PLSCR4: variants seen among roughly 807,000 people sequenced by gnomAD.
The protein encoded by PLSCR4 is phospholipid scramblase 4.
In PLSCR4, 25 loss-of-function variants were observed where a neutral mutation model predicts 36.3. The ratio of observed to expected loss-of-function variants is 0.69; its 90% CI spans 0.50 to 0.96. The LOEUF (loss-of-function observed/expected upper bound fraction) is 0.96. PLSCR4 is among the 40% of genes least tolerant of loss of function. The pLI is 0.00. For synonymous variants in PLSCR4, 122 were observed against 132.9 expected (o/e 0.92, Z 0.56); for missense variants, 408 against 414.7 (o/e 0.98, Z 0.14).
At chr3:146,194,479 T>C in intron 8 of PLSCR4, 24 bp from the exon 9 acceptor site, 1 of 1,422,392 alleles carries the variant, frequency 7.0e-7, no homozygotes, top group Non-Finnish European at 9.9e-7. Flanking sequence ...AAGAATTATA[T>C]GTAGATATAT....
chr3:146,248,314 C>T (rs1447338091), intron 1 of PLSCR4, among the ~76,000 whole-genome samples: 2 of 152,188 alleles, frequency 1.3e-5, no homozygotes, highest in South Asian at 2.1e-4. Flanking sequence ...GTATAAATTA[C>T]TATCACTATC....
chr3:146,230,961 T>C (rs2035686288), intron 1 of PLSCR4, among the ~76,000 whole-genome samples: 1 of 148,786 alleles, frequency 6.7e-6, no homozygotes, highest in Non-Finnish European at 1.5e-5. Flanking sequence ...AATGACTTCA[T>C]CACATATGTA....
At chr3:146,230,302 A>G (rs1322500926) in intron 1 of PLSCR4, among the ~76,000 whole-genome samples, 1 of 152,236 alleles carries the variant, frequency 6.6e-6, no homozygotes. Context: ...ATCAAGAAAT[A>G]AAAGTATAAA....
At chr3:146,242,811 C>T (rs981122619) in intron 1 of PLSCR4, among the ~76,000 whole-genome samples, 2 of 152,138 alleles carry the variant, frequency 1.3e-5, no homozygotes, top group African/African-American at 4.8e-5. Context: ...TATGTCTTTA[C>T]AGTTGTAAAG....
intron 3 of PLSCR4, among the ~76,000 whole-genome samples, chr3:146,220,403 T>A (rs546104679): frequency 6.6e-6 from 1 of 152,322 alleles, no homozygotes; most frequent in African/African-American, 2.4e-5. Context: ...CATGACCCTG[T>A]ACTTACGGAC....
At chr3:146,237,693 A>T (rs1437981553) in intron 1 of PLSCR4, among the ~76,000 whole-genome samples, 1 of 152,072 alleles carries the variant, frequency 6.6e-6, no homozygotes, top group East Asian at 1.9e-4. Flanking sequence ...AAACTTATGA[A>T]GTACAGCCAA....
chr3:146,250,827 A>C (rs970168847), intron 1 of PLSCR4, 133 bp downstream of exon 1: 11 of 152,274 alleles, frequency 7.2e-5, no homozygotes, highest in African/African-American at 2.6e-4. Flanking sequence ...CTAGCGCAGG[A>C]CGCCGCGCAA....
chr3:146,198,070 C>T (rs1221427875), intron 6 of PLSCR4, among the ~76,000 whole-genome samples: 2 of 152,010 alleles, frequency 1.3e-5, no homozygotes, highest in Non-Finnish European at 2.9e-5. Context: ...TGAAAAAGAC[C>T]AATCCTGAAA....
intron 3 of PLSCR4, among the ~76,000 whole-genome samples, chr3:146,213,866 G>A (rs2034756089): frequency 6.6e-6 from 1 of 152,054 alleles, no homozygotes; most frequent in African/African-American, 2.4e-5. Context: ...TTTCTCTATG[G>A]TAAAAGCCTC....
At chr3:146,216,074 T>C (rs1458454451) in intron 3 of PLSCR4, among the ~76,000 whole-genome samples, 1 of 151,820 alleles carries the variant, frequency 6.6e-6, no homozygotes, top group Non-Finnish European at 1.5e-5. Context: ...CTACCGAAAA[T>C]ACAAAATTAT....
At chr3:146,196,346 A>G in intron 7 of PLSCR4, 1 of 329,266 alleles carries the variant, frequency 3.0e-6, no homozygotes, top group Non-Finnish European at 5.7e-6. Context: ...CAACAATAGA[A>G]TAGATGAATT....
intron 5 of PLSCR4, 143 bp downstream of exon 5, chr3:146,200,892 T>C: frequency 1.7e-6 from 1 of 588,894 alleles, no homozygotes; most frequent in Non-Finnish European, 3.0e-6. Context: ...ACTTTATTAC[T>C]TTCTTGAAGA....
intron 1 of PLSCR4, among the ~76,000 whole-genome samples, chr3:146,237,409 C>G (rs2035961808): frequency 6.6e-6 from 1 of 152,086 alleles, no homozygotes; most frequent in African/African-American, 2.4e-5. Flanking sequence ...AACACTGTAA[C>G]TGACAATAGC....
chr3:146,213,694 CTT>C (rs1233082111), intron 3 of PLSCR4, among the ~76,000 whole-genome samples: 1 of 152,070 alleles, frequency 6.6e-6, no homozygotes, highest in Non-Finnish European at 1.5e-5. Flanking sequence ...AATTTAATCT[CTT>C]TACTTGTTAT....
chr3:146,226,356 GT>G (rs1360119768), intron 1 of PLSCR4, among the ~76,000 whole-genome samples: 12 of 152,172 alleles, frequency 7.9e-5, no homozygotes, highest in African/African-American at 2.9e-4. Context: ...ATGGTCTGTT[GT>G]TTGATTATAT....
chr3:146,247,327 C>A (rs1476159344), intron 1 of PLSCR4, among the ~76,000 whole-genome samples: 1 of 151,958 alleles, frequency 6.6e-6, no homozygotes, highest in Non-Finnish European at 1.5e-5. Flanking sequence ...TCAATTTAGA[C>A]CCCAGACAAA....
At position 146,206,703 on chromosome 3, in the gene PLSCR4, T is replaced by C. The variant is rs779668851; in HGVS notation, c.177A>G (p.Gly59=). 2.5e-6 allele frequency: 4 copies of C among 1,611,662 alleles called. No individual in the cohort carries two copies. Among genetic ancestry groups the C allele is most frequent in the Non-Finnish European group, 8.5e-7 (1 of 1,178,762 alleles). The part of the protein sequence containing the change: ...PTGYPGGLPM[G]YYSPQQPSTF... ...TACTGGGTTGCTGTGGACTGTAGTATCCCATAGGCAAGCCTCCTGGGTAGC... is the reference window on the plus strand; with the variant it reads ...TACTGGGTTGCTGTGGACTGTAGTACCCCATAGGCAAGCCTCCTGGGTAGC... The change falls in exon 4 of 9, where the codon GGA becomes GGG. Residue 59 remains glycine (G), a synonymous_variant. Transcript: ENST00000354952.
chr3:146,214,883 A>G (rs1447970283), intron 3 of PLSCR4, among the ~76,000 whole-genome samples: 1 of 152,094 alleles, frequency 6.6e-6, no homozygotes, highest in African/African-American at 2.4e-5. Flanking sequence ...ACAGTCTCCA[A>G]CTATTATTTA....
intron 4 of PLSCR4, among the ~76,000 whole-genome samples, chr3:146,206,250 C>T (rs1214563816): frequency 1.3e-5 from 2 of 152,056 alleles, no homozygotes; most frequent in South Asian, 4.2e-4. Flanking sequence ...TTTTCTATTT[C>T]CATTTGTACA....
Sources: gnomAD v4.1 joint callset for allele counts (sites outside exome capture counted in the v4.1 genomes callset) on GRCh38, gnomAD v4.1.1 for gene constraint, MANE v1.5 for transcripts, NCBI Gene and HGNC (gene_info 2026-07-23, HGNC 2026-07-21) for gene names.